The following RYR2 variants were observed in gnomAD, a reference collection of about 807,000 sequenced individuals.
RYR2 encodes ryanodine receptor 2, also known as cardiac muscle ryanodine receptor-calcium release channel.
Under a neutral mutation model 601.1 loss-of-function variants are expected in RYR2, and 227 were observed. The observed-to-expected ratio is 0.38, with a 90% CI of 0.34 to 0.42. The LOEUF (loss-of-function observed/expected upper bound fraction) is 0.42. RYR2 is among the 10% of genes least tolerant of loss of function. RYR2 has a pLI of 1.00. For missense variants in RYR2, 4,646 were observed against 6,156.5 expected (o/e 0.75, Z 8.21); for synonymous variants, 2,223 against 2,175.1 (o/e 1.02, Z -0.61).
intron 23 of RYR2, among the ~76,000 whole-genome samples, chr1:237,507,619 T>C (rs1482064268): frequency 2.0e-5 from 3 of 152,212 alleles, no homozygotes; most frequent in African/African-American, 7.2e-5. Flanking sequence ...CTCAGTAATA[T>C]TTATATATTT....
chr1:237,736,393 G>A (rs778739846), intron 79 of RYR2, among the ~76,000 whole-genome samples: 2 of 151,298 alleles, frequency 1.3e-5, no homozygotes, highest in Admixed American at 6.6e-5. Flanking sequence ...TCTGGGAGGC[G>A]GAAAGTTGCA....
In RYR2 at chr1:237,068,178, T is replaced by TA. The variant is rs146782983; in HGVS notation, c.48+25616dup. 2.1e-3 allele frequency among the ~76,000 whole-genome samples: 322 copies of TA among 152,028 alleles called. 6 individuals carry two copies. In the East Asian group the frequency reaches 0.052, roughly 25 times the overall value. Reference sequence around the variant, plus strand: ...AGAAACAAAACGTTTCGTTGTTTTTTAAAAAAACACTTCTTGAAAACAAGT... The same window carrying TA: ...AGAAACAAAACGTTTCGTTGTTTTTTAAAAAAAACACTTCTTGAAAACAAGT... On this transcript the variant is annotated intron_variant, in intron 1 of 104. Transcript: ENST00000366574.
intron 1 of RYR2, among the ~76,000 whole-genome samples, chr1:237,198,955 A>G (rs1572175868): frequency 6.6e-6 from 1 of 152,116 alleles, no homozygotes; most frequent in South Asian, 2.1e-4. Context: ...CTTCATTTGC[A>G]CCAAGAATTT....
chr1:237,148,523 A>ATATATATATATATAT (rs1316106371), intron 1 of RYR2, among the ~76,000 whole-genome samples: 8 of 48,278 alleles, frequency 1.7e-4, no homozygotes, highest in Non-Finnish European at 2.7e-4. Context: ...AGTAAAAAAA[A>ATATATATATATATAT]AAAAATATAT....
intron 17 of RYR2, among the ~76,000 whole-genome samples, chr1:237,477,846 A>C (rs183320830): frequency 1.8e-4 from 27 of 152,296 alleles, no homozygotes; most frequent in African/African-American, 4.8e-4. Context: ...CACAGTAGTC[A>C]AAAGAGGGAA....
At chr1:237,452,075 TTTTG>T (rs1558841922) in intron 14 of RYR2, among the ~76,000 whole-genome samples, 5 of 7,746 alleles carry the variant, frequency 6.5e-4, no homozygotes, top group Admixed American at 3.5e-3. Flanking sequence ...ATATATAAAA[TTTTG>T]TGTGTGTGTG....
At chr1:237,366,384 C>A (rs1400050985) in intron 5 of RYR2, among the ~76,000 whole-genome samples, 1 of 152,068 alleles carries the variant, frequency 6.6e-6, no homozygotes, top group Non-Finnish European at 1.5e-5. Context: ...CTTCGGTGAC[C>A]CTGTTGTGTG....
At chr1:237,824,009 A>T (rs1662814625) in intron 101 of RYR2, among the ~76,000 whole-genome samples, 1 of 152,210 alleles carries the variant, frequency 6.6e-6, no homozygotes, top group South Asian at 2.1e-4. Flanking sequence ...TAGATCAATA[A>T]TAAGTTCTGA....
chr1:237,465,915 T>C (rs1387872596), intron 16 of RYR2, among the ~76,000 whole-genome samples: 1 of 152,264 alleles, frequency 6.6e-6, no homozygotes, highest in Non-Finnish European at 1.5e-5. Context: ...TGATTCATTG[T>C]TGACCAAATC....
chr1:237,623,359 GTTTCTTTC>G (rs1189274935), intron 38 of RYR2, among the ~76,000 whole-genome samples: 97 of 48,940 alleles, frequency 2.0e-3, no homozygotes, highest in African/African-American at 4.7e-3. Context: ...GCCTTTCTTT[GTTTCTTTC>G]TTTCTTTCTT....
At chr1:237,269,266 C>T (rs1263502030) in intron 1 of RYR2, among the ~76,000 whole-genome samples, 1 of 151,898 alleles carries the variant, frequency 6.6e-6, no homozygotes, top group Non-Finnish European at 1.5e-5. Flanking sequence ...TGGTCTCGAA[C>T]TCCCAACCTC....
intron 7 of RYR2, among the ~76,000 whole-genome samples, chr1:237,376,585 T>C (rs563049973): frequency 6.6e-6 from 1 of 152,196 alleles, no homozygotes; most frequent in Non-Finnish European, 1.5e-5. Context: ...AAAGGTATTA[T>C]GAACAGAATG....
At chr1:237,215,292 T>A (rs1017585402) in intron 1 of RYR2, among the ~76,000 whole-genome samples, 2 of 152,038 alleles carry the variant, frequency 1.3e-5, no homozygotes, top group Non-Finnish European at 2.9e-5. Context: ...AAAGGAGAGA[T>A]TAACTCTGGG....
intron 12 of RYR2, among the ~76,000 whole-genome samples, chr1:237,439,290 C>G (rs2150137332): frequency 6.6e-6 from 1 of 152,280 alleles, no homozygotes; most frequent in East Asian, 1.9e-4. Context: ...AGTGTTCTCA[C>G]TTATTTTTTC....
At position 237,309,162 on chromosome 1, in the gene RYR2, A is replaced by G. The variant is rs181793977; in HGVS notation, c.169-21716A>G. On this transcript the variant is annotated intron_variant, in intron 2 of 104. Transcript: ENST00000366574. ...TCCCCACTAGATTAGCTAGACACAG[A>G]GCACTGATTGGTGCATTTACAAACC... 8.8e-5 allele frequency among the ~76,000 whole-genome samples: 13 copies of G among 147,696 alleles called. No homozygotes were observed. The East Asian group carries it at 2.4e-3, about 27-fold the overall frequency.
At chr1:237,407,602 TGTG>T (rs750846562) in intron 10 of RYR2, among the ~76,000 whole-genome samples, 1 of 109,992 alleles carries the variant, frequency 9.1e-6, no homozygotes, top group Non-Finnish European at 1.7e-5. Flanking sequence ...ATTTTTAAAT[TGTG>T]GTTGTTTTTT....
At chr1:237,394,352 G>A (rs772421618) in intron 10 of RYR2, among the ~76,000 whole-genome samples, 15 of 152,160 alleles carry the variant, frequency 9.9e-5, no homozygotes, top group African/African-American at 1.9e-4. Context: ...TTATGCAGAG[G>A]TGTCATCTCA....
chr1:237,554,552 T>G (rs1670701967), intron 27 of RYR2, among the ~76,000 whole-genome samples: 1 of 151,994 alleles, frequency 6.6e-6, no homozygotes, highest in African/African-American at 2.4e-5. Flanking sequence ...TTGTGTTAAT[T>G]CTACATTGTT....
intron 3 of RYR2, among the ~76,000 whole-genome samples, chr1:237,350,709 A>T (rs1698764422): frequency 6.7e-6 from 1 of 148,398 alleles, no homozygotes; most frequent in South Asian, 2.1e-4. Flanking sequence ...TATGTTAAAA[A>T]AAGTCAGTTT....
Sources: gnomAD v4.1 joint callset for allele counts (sites outside exome capture counted in the v4.1 genomes callset) on GRCh38, gnomAD v4.1.1 for gene constraint, MANE v1.5 for transcripts, NCBI Gene and HGNC (gene_info 2026-07-23, HGNC 2026-07-21) for gene names.